Variants in LRRC4C observed in about 807,000 individuals in gnomAD.
The protein encoded by LRRC4C is leucine-rich repeat-containing protein 4C.
In LRRC4C, 5 loss-of-function variants were observed where a neutral mutation model predicts 33.6. That is an observed-to-expected ratio of 0.15 (90% CI 0.08 to 0.31). The LOEUF (loss-of-function observed/expected upper bound fraction) is 0.31. Among genes scored for constraint, LRRC4C ranks in the 10% least tolerant of loss-of-function variants. The pLI is 1.00. For missense variants in LRRC4C, 560 were observed against 796.7 expected, an observed-to-expected ratio of 0.70 and a Z score of 3.58; for synonymous variants, 329 against 302.0, an observed-to-expected ratio of 1.09 and a Z score of -0.93.
At chr11:40,485,053 A>T (rs1953784262) in intron 3 of LRRC4C, among the ~76,000 whole-genome samples, 1 of 152,086 alleles carries the variant, frequency 6.6e-6, no homozygotes, top group Non-Finnish European at 1.5e-5. Flanking sequence ...TCTAAGTGGG[A>T]AAATTAGAAG....
At chr11:40,513,282 A>T (rs1345454856) in intron 3 of LRRC4C, among the ~76,000 whole-genome samples, 1 of 151,904 alleles carries the variant, frequency 6.6e-6, no homozygotes, top group Non-Finnish European at 1.5e-5. Context: ...AAAGAAAGAA[A>T]AAAATCCACT....
intron 1 of LRRC4C, among the ~76,000 whole-genome samples, chr11:41,450,605 C>A (rs1357435203): frequency 6.6e-6 from 1 of 152,068 alleles, no homozygotes; most frequent in East Asian, 1.9e-4. Context: ...GTTTCCTCAT[C>A]TGTATCCTGA....
chr11:40,431,560 T>C (rs1018542869), intron 3 of LRRC4C, among the ~76,000 whole-genome samples: 3 of 152,138 alleles, frequency 2.0e-5, no homozygotes. Flanking sequence ...TTCATCTCTT[T>C]TTCCCCTCTC....
intron 1 of LRRC4C, among the ~76,000 whole-genome samples, chr11:40,936,105 T>C (rs1447139355): frequency 7.4e-6 from 1 of 135,696 alleles, no homozygotes; most frequent in Non-Finnish European, 1.6e-5. Flanking sequence ...AGAAAAAATG[T>C]GTATTGCAAT....
At chr11:41,441,657 CTTCT>C (rs1306498156) in intron 1 of LRRC4C, among the ~76,000 whole-genome samples, 6 of 151,118 alleles carry the variant, frequency 4.0e-5, no homozygotes, top group Non-Finnish European at 5.9e-5. Flanking sequence ...ATGTCTCTTC[CTTCT>C]ATTTCATTCC....
chr11:41,004,804 G>T (rs1417530356), intron 1 of LRRC4C, among the ~76,000 whole-genome samples: 1 of 152,000 alleles, frequency 6.6e-6, no homozygotes, highest in Non-Finnish European at 1.5e-5. Flanking sequence ...ATTAAACAGA[G>T]AATTAAATGT....
chr11:40,621,158 T>C (rs1403070210), intron 3 of LRRC4C, among the ~76,000 whole-genome samples: 2 of 151,864 alleles, frequency 1.3e-5, no homozygotes, highest in Non-Finnish European at 2.9e-5. Flanking sequence ...TTCCTTGTTT[T>C]CTTCATCCAT....
At chr11:41,413,505 A>G (rs1468613562) in intron 1 of LRRC4C, among the ~76,000 whole-genome samples, 1 of 152,190 alleles carries the variant, frequency 6.6e-6, no homozygotes, top group Non-Finnish European at 1.5e-5. Flanking sequence ...AAACAATATG[A>G]CCATACATAA....
At chr11:40,911,853 G>T (rs1156463138) in intron 2 of LRRC4C, among the ~76,000 whole-genome samples, 1 of 152,146 alleles carries the variant, frequency 6.6e-6, no homozygotes, top group African/African-American at 2.4e-5. Flanking sequence ...GTCCTTCAAG[G>T]ACCTGATGGA....
At chr11:41,433,801 ATGTG>A (rs3040493) in intron 1 of LRRC4C, among the ~76,000 whole-genome samples, 4 of 149,360 alleles carry the variant, frequency 2.7e-5, no homozygotes, top group African/African-American at 4.9e-5. Flanking sequence ...TCCCATATAT[ATGTG>A]TGTGTGTGTG....
chr11:40,766,746 C>G (rs1210224554), intron 2 of LRRC4C, among the ~76,000 whole-genome samples: 1 of 151,614 alleles, frequency 6.6e-6, no homozygotes, highest in African/African-American at 2.4e-5. Context: ...TTCTGCAAAC[C>G]TCATGGTAAA....
At chr11:40,120,827 G>A (rs7943560) in intron 6 of LRRC4C, among the ~76,000 whole-genome samples, 85,252 of 151,916 alleles carry the variant, frequency 0.56, 25,271 homozygotes, top group Non-Finnish European at 0.66. Context: ...AAGAGAAAAG[G>A]GTCCAATGTG....
intron 4 of LRRC4C, among the ~76,000 whole-genome samples, chr11:40,252,730 A>G (rs1565189488): frequency 6.6e-6 from 1 of 152,184 alleles, no homozygotes; most frequent in South Asian, 2.1e-4. Context: ...AAATTCCTAT[A>G]TGGCTCCAAT....
chr11:41,163,926 T>C (rs189571832), intron 1 of LRRC4C, among the ~76,000 whole-genome samples: 1 of 152,288 alleles, frequency 6.6e-6, no homozygotes, highest in East Asian at 1.9e-4. Flanking sequence ...CTTCAAAAAC[T>C]TTTTTATTTG....
chr11:40,950,633 C>T (rs1958650894), intron 1 of LRRC4C, among the ~76,000 whole-genome samples: 1 of 151,780 alleles, frequency 6.6e-6, no homozygotes, highest in Non-Finnish European at 1.5e-5. Flanking sequence ...TTTCTAATTA[C>T]CATAGTGATA....
chr11:40,815,432 C>T (rs1951667112), intron 2 of LRRC4C, among the ~76,000 whole-genome samples: 1 of 152,134 alleles, frequency 6.6e-6, no homozygotes, highest in Non-Finnish European at 1.5e-5. Flanking sequence ...CAATACCCTT[C>T]CCTCAGACCT....
chr11:41,407,418 C>A (rs1212987166), intron 1 of LRRC4C, among the ~76,000 whole-genome samples: 1 of 150,396 alleles, frequency 6.6e-6, no homozygotes, highest in African/African-American at 2.4e-5. Context: ...CCTCCCATTT[C>A]AGCTACCCAA....
chr11:40,659,974 A>G (rs1473595407), intron 2 of LRRC4C, among the ~76,000 whole-genome samples: 1 of 152,208 alleles, frequency 6.6e-6, no homozygotes, highest in Non-Finnish European at 1.5e-5. Context: ...ATCACATTGC[A>G]GGCAACAAGA....
chr11:41,043,391 A>C (rs776925742), intron 1 of LRRC4C, among the ~76,000 whole-genome samples: 3 of 152,138 alleles, frequency 2.0e-5, no homozygotes, highest in Non-Finnish European at 2.9e-5. Context: ...ACAAATTTAA[A>C]ACTTAAATGA....
Sources: gnomAD v4.1 joint callset for allele counts (sites outside exome capture counted in the v4.1 genomes callset) on GRCh38, gnomAD v4.1.1 for gene constraint, MANE v1.5 for transcripts, NCBI Gene and HGNC (gene_info 2026-07-23, HGNC 2026-07-21) for gene names.